The following BLACAT1 variants were observed in gnomAD, a reference collection of about 807,000 sequenced individuals.
The protein encoded by BLACAT1 is BLACAT1 overlapping LEMD1 locus, also known as bladder cancer associated transcript 1.
rs537856707 is a variant in BLACAT1 at position 205,444,546 on chromosome 1, T to G, written c.-36-3484A>C. Among the ~76,000 whole-genome samples the G allele has an allele frequency of 2.0e-5, 3 of 152,128 alleles. No homozygotes were observed. In the East Asian group the frequency reaches 5.8e-4, roughly 30 times the overall value. ...CCTGGGGTCCTCCAACCCTTGCACC[T>G]CTGGCAAAAATGGGGCAGTGAGTCA... On this transcript the variant is annotated intron_variant, in intron 1 of 1. Coordinates refer to ENST00000629624, the Ensembl canonical transcript of BLACAT1.
At chr1:205,453,690 C>T (rs1434423343) in intron 1 of BLACAT1, among the ~76,000 whole-genome samples, 3 of 152,128 alleles carry the variant, frequency 2.0e-5, no homozygotes, top group Admixed American at 2.0e-4. Context: ...GGAGTCTCCG[C>T]AGCCTGGGTA....
chr1:205,440,830 TAC>T (rs1666281226), exon 2 of BLACAT1: 2 of 152,258 alleles, frequency 1.3e-5, no homozygotes, highest in Admixed American at 1.3e-4. Context: ...AGACTTAAGA[TAC>T]ACACACGGCT....
chr1:205,450,728 A>G lies in BLACAT1; in HGVS notation c.-37+5189T>C, dbSNP rs1374792770. On this transcript the variant is annotated intron_variant, in intron 1 of 1. Transcript: ENST00000629624. This position sits in a 1 kb window ranked among gnomAD's most constrained non-coding sequence, Gnocchi z 4.4. ...ATCCCAGCCCACCTGACAAGCCCCA[A>G]GTAAGCTGTGGAAGTAGGGCATCTC... Among the ~76,000 whole-genome samples, 1 of 152,146 alleles carries G rather than the reference A, an allele frequency of 6.6e-6. No individual in the cohort carries two copies. Among genetic ancestry groups the G allele is most frequent in the African/African-American group, 2.4e-5 (1 of 41,440 alleles).
intron 1 of BLACAT1, among the ~76,000 whole-genome samples, chr1:205,454,616 G>T (rs934269585): frequency 1.3e-5 from 2 of 152,084 alleles, no homozygotes; most frequent in Admixed American, 6.5e-5. Context: ...ATGGAAAGCC[G>T]GCATTGAATG....
At chr1:205,455,825 A>T (rs948371489) in intron 1 of BLACAT1, 92 bp downstream of exon 1, 2 of 152,168 alleles carry the variant, frequency 1.3e-5, no homozygotes. Context: ...CGGGGAGGAA[A>T]GTCCCCCTCA....
At chr1:205,447,561 A>C (rs922818271) in intron 1 of BLACAT1, among the ~76,000 whole-genome samples, 3 of 152,064 alleles carry the variant, frequency 2.0e-5, no homozygotes, top group Admixed American at 6.5e-5. Flanking sequence ...GGCTAAAATC[A>C]GGCCGATTTA....
rs1269545342 is a variant in BLACAT1, at chr1:205,449,158, T to C, written c.-37+6759A>G. Among the ~76,000 whole-genome samples the C allele has an allele frequency of 3.9e-5, 6 of 152,134 alleles. No homozygotes were observed. In the East Asian group the frequency reaches 1.2e-3, roughly 29 times the overall value. On this transcript the variant is annotated intron_variant, in intron 1 of 1. Transcript: ENST00000629624. ...GGTGCGCAGTGCCCTGCCGCTCTCA[T>C]TGGCAGGACATGGGGGTTAGCACAG...
At chr1:205,442,607 C>T (rs997238732) in intron 1 of BLACAT1, among the ~76,000 whole-genome samples, 4 of 152,348 alleles carry the variant, frequency 2.6e-5, no homozygotes, top group Admixed American at 6.5e-5. Flanking sequence ...TTAATAGGTG[C>T]AATGCATTTC....
At chr1:205,439,683 G>A (rs1341303999), downstream of BLACAT1, among the ~76,000 whole-genome samples, 1 of 152,170 alleles carries the variant, frequency 6.6e-6, no homozygotes, top group African/African-American at 2.4e-5. Flanking sequence ...GGAGCTAGAG[G>A]GGGTCTGACT....
intron 1 of BLACAT1, among the ~76,000 whole-genome samples, chr1:205,455,585 G>T (rs1666552628): frequency 6.6e-6 from 1 of 152,220 alleles, no homozygotes; most frequent in Non-Finnish European, 1.5e-5. Context: ...GGGGACAGGA[G>T]GATCGGCTAC....
chr1:205,444,886 C>G (rs1666356703), intron 1 of BLACAT1, among the ~76,000 whole-genome samples: 1 of 150,926 alleles, frequency 6.6e-6, no homozygotes, highest in African/African-American at 2.4e-5. Flanking sequence ...CACCTTAACT[C>G]CCCGCCACCC....
At chr1:205,439,355 G>A (rs1348051283), downstream of BLACAT1, among the ~76,000 whole-genome samples, 1 of 152,208 alleles carries the variant, frequency 6.6e-6, no homozygotes, top group Non-Finnish European at 1.5e-5. Flanking sequence ...AAAGGAAGGG[G>A]TTGGAGGATG....
At chr1:205,453,687 C>T (rs1029291290) in intron 1 of BLACAT1, among the ~76,000 whole-genome samples, 1 of 152,044 alleles carries the variant, frequency 6.6e-6, no homozygotes, top group South Asian at 2.1e-4. Flanking sequence ...GGGGGAGTCT[C>T]CGCAGCCTGG....
chr1:205,452,387 G>A (rs565560877), intron 1 of BLACAT1, among the ~76,000 whole-genome samples: 1 of 152,300 alleles, frequency 6.6e-6, no homozygotes, highest in African/African-American at 2.4e-5. Context: ...CTCCGCAGCA[G>A]AGAAAGTCAC....
intron 1 of BLACAT1, among the ~76,000 whole-genome samples, chr1:205,447,578 G>A (rs552815869): frequency 8.5e-5 from 13 of 152,172 alleles, no homozygotes; most frequent in East Asian, 1.9e-4. Flanking sequence ...TTTAAAAGGG[G>A]GCAGGGGAAG....
chr1:205,452,248 C>A (rs990372852), intron 1 of BLACAT1, among the ~76,000 whole-genome samples: 30 of 152,308 alleles, frequency 2.0e-4, no homozygotes, highest in African/African-American at 7.2e-4. Flanking sequence ...CCCAGTCCCA[C>A]CATTTCCTTC....
rs1481273932 is a variant in BLACAT1, at chr1:205,450,639, G to C, written c.-37+5278C>G. ...TCCTGCGCTCGGATTCCCAGCCATAGCCTGCCAATCCCAGCTGCCTATCCC... is the reference window on the plus strand; with the variant it reads ...TCCTGCGCTCGGATTCCCAGCCATACCCTGCCAATCCCAGCTGCCTATCCC... On this transcript the variant is annotated intron_variant, in intron 1 of 1. Transcript: ENST00000629624. The surrounding 1 kb of genome is among the most constrained non-coding windows in gnomAD (Gnocchi z 4.4). 6.6e-6 allele frequency among the ~76,000 whole-genome samples: 1 copy of C among 152,090 alleles called. No homozygotes were observed. The highest frequency in any genetic ancestry group is 1.5e-5 in the Non-Finnish European group (1 of 68,022).
chr1:205,445,543 G>C (rs2102471755), intron 1 of BLACAT1, among the ~76,000 whole-genome samples: 1 of 152,332 alleles, frequency 6.6e-6, no homozygotes, highest in Admixed American at 6.5e-5. Context: ...TAGCTTGCCA[G>C]ACCAGCCACC....
At chr1:205,455,069 G>C (rs1016137182) in intron 1 of BLACAT1, among the ~76,000 whole-genome samples, 1 of 152,030 alleles carries the variant, frequency 6.6e-6, no homozygotes, top group Non-Finnish European at 1.5e-5. Flanking sequence ...CTTGTTCCCC[G>C]GGGGCACCCT....
Sources: allele counts gnomAD v4.1 joint callset (sites outside exome capture counted in the v4.1 genomes callset), GRCh38; gene constraint gnomAD v4.1.1; non-coding constraint Gnocchi (gnomAD v3.1); transcripts MANE v1.5; gene names NCBI Gene and HGNC (gene_info 2026-07-23, HGNC 2026-07-21).